Variants in HGS observed in about 807,000 individuals in gnomAD.
The protein encoded by HGS is hepatocyte growth factor-regulated tyrosine kinase substrate.
Under a neutral mutation model 109.7 loss-of-function variants are expected in HGS, and 63 were observed. The observed-to-expected ratio is 0.57, with a 90% CI of 0.47 to 0.71. The LOEUF is 0.71. HGS is among the 30% of genes least tolerant of loss of function. The pLI, the probability that HGS is intolerant of heterozygous loss-of-function variation, is 0.00. For synonymous variants in HGS, 546 were observed against 437.3 expected, an observed-to-expected ratio of 1.25 and a Z score of -3.10; for missense variants, 995 against 1,068.3, an observed-to-expected ratio of 0.93 and a Z score of 0.96.
rs575701206 is a variant in HGS at position 81,696,562 on chromosome 17, G to A, written c.1566+33G>A. 8.6e-5 allele frequency: 134 copies of A among 1,552,120 alleles called. 2 individuals are homozygous for A. The South Asian group carries it at 1.6e-3, about 18-fold the overall frequency. On this transcript the variant is annotated intron_variant, in intron 16 of 21. Transcript: ENST00000329138. ...GGCTGCCCAGCCACAGGCCGGGGCC[G>A]GCTGGGGGACCTCGCAGCATAACCA...
intron 5 of HGS, among the ~76,000 whole-genome samples, chr17:81,689,531 A>G (rs955518590): frequency 2.6e-5 from 4 of 152,108 alleles, no homozygotes; most frequent in African/African-American, 9.7e-5. Context: ...AGAGGTGGGC[A>G]TGGCTGCTCA....
chr17:81,694,017 T>C, intron 11 of HGS, 52 bp downstream of exon 11: 1 of 1,491,254 alleles, frequency 6.7e-7, no homozygotes, highest in Non-Finnish European at 9.1e-7. Context: ...GTAGGGTTGA[T>C]GGGGGACGCG....
In HGS at chr17:81,693,930, G is replaced by T. The variant is rs762337062; in HGVS notation, c.901G>T (p.Ala301Ser). The change falls in exon 11 of 22, where the codon GCG becomes TCG. Residue 301 changes from alanine to serine, a missense_variant. Around this residue, in one of 6 missense-constraint regions of HGS, gnomAD observed 300 missense variants for 235.4 expected, o/e 1.27. Coordinates refer to ENST00000329138, the MANE Select transcript of HGS (RefSeq NM_004712.5). ...GGAGCCCATGCCCTCGGCCTCCTCAGCGCCCCCCGCCAGCAGCCTGTACTC... is the reference window on the plus strand; with the variant it reads ...GGAGCCCATGCCCTCGGCCTCCTCATCGCCCCCCGCCAGCAGCCTGTACTC... ...KAEPMPSASS[A>S]PPASSLYSSP... 8.7e-6 allele frequency: 14 copies of T among 1,611,284 alleles called. No individual in the cohort carries two copies. Among genetic ancestry groups the T allele is most frequent in the Admixed American group, 1.7e-5 (1 of 59,950 alleles).
intron 8 of HGS, chr17:81,692,194 CGTG>C (rs2037074898): frequency 6.5e-6 from 1 of 152,714 alleles, no homozygotes; most frequent in African/African-American, 2.4e-5. Context: ...CCATTTCTGC[CGTG>C]GTCCCAGCAG....
At position 81,701,970 on chromosome 17, in the gene HGS, C is replaced by T. The variant is rs189843306; in HGVS notation, c.*352C>T. On this transcript the variant is annotated 3_prime_UTR_variant, in exon 22 of 22. Coordinates refer to ENST00000329138, the MANE Select transcript of HGS (RefSeq NM_004712.5). The stretch of plus-strand genomic sequence containing the variant: ...CCGCACTGTGAGCTGGCTGTGGTGT[C>T]TGGGTGTGGCCTGGGGCTCCCTCTG... The T allele has an allele frequency of 1.3e-4, 29 of 217,196 alleles. No individual in the cohort carries two copies. In the East Asian group the frequency reaches 3.0e-3, roughly 22 times the overall value. The allele number at this position is 217,196 out of a possible 1,614,324, so 13.5% of individuals were successfully genotyped here.
chr17:81,693,549 T>G lies in HGS; in HGVS notation c.709T>G (p.Tyr237Asp). The G allele has an allele frequency of 6.2e-7, 1 of 1,611,596 alleles. No homozygotes were observed. Among genetic ancestry groups the G allele is most frequent in the Non-Finnish European group, 8.5e-7 (1 of 1,178,948 alleles). Residue 237 changes from tyrosine (Y) to aspartate (D), a missense_variant, in exon 9 of 22, where the codon TAC becomes GAC. Tyr to Asp is a radical substitution (Grantham distance 160). This residue lies in a region of HGS where 300 missense variants were observed against 235.4 expected (regional missense o/e 1.27). Transcript: ENST00000329138. ...ATSTTELPPE[Y>D]LTSPLSQQSQ... ...TTCCACCACTGAGCTGCCCCCCGAG[T>G]ACCTGACCAGCCCCCTGTCTCAGCA...
rs2037051137 is a variant in HGS at position 81,690,758 on chromosome 17, G to C, written c.537+16G>C. The C allele has an allele frequency of 2.5e-6, 4 of 1,609,838 alleles. No individual in the cohort carries two copies. The highest frequency in any genetic ancestry group is 3.4e-6 in the Non-Finnish European group (4 of 1,177,974). ...GACCCGTAAGGTGAGTTCCCACCTGGGGGGCTCTACAGCCCCGGCCAGACA... is the reference window on the plus strand; with the variant it reads ...GACCCGTAAGGTGAGTTCCCACCTGCGGGGCTCTACAGCCCCGGCCAGACA... On this transcript the variant is annotated intron_variant, in intron 7 of 21. Transcript: ENST00000329138.
Position 81,696,720 on chromosome 17 carries a change from G to C in HGS, c.1680G>C (p.Met560Ile). The change falls in exon 17 of 22, where the codon ATG (methionine) becomes ATC (isoleucine). Residue 560 changes from methionine (M) to isoleucine (I), a missense_variant. Around this residue, in one of 6 missense-constraint regions of HGS, gnomAD observed 326 missense variants for 309.7 expected, o/e 1.05. Transcript: ENST00000329138. ...AGACGGTCCAGATGCGCGCGCAGAT[G>C]CCCGCCTTCCCCCTGCCCTACGCCC... ...QKQTVQMRAQ[M>I]PAFPLPYAQL... 6.2e-7 allele frequency: 1 copy of C among 1,608,048 alleles called. No homozygotes were observed. Among genetic ancestry groups the C allele is most frequent in the Non-Finnish European group, 8.5e-7 (1 of 1,176,946 alleles).
intron 18 of HGS, among the ~76,000 whole-genome samples, chr17:81,700,210 CA>C (rs1006521478): frequency 2.8e-5 from 4 of 144,004 alleles, no homozygotes; most frequent in East Asian, 2.1e-4. Context: ...ATTAAAAGTA[CA>C]AAAAAAAATT....
rs1181862166 is a variant in HGS at position 81,691,457 on chromosome 17, G to A, written c.548G>A (p.Arg183Gln). ...CGCCCCATCTTACAGCACCACTGCC[G>A]GGCGTGTGGGCAGATATTCTGTGGA... The part of the protein sequence containing the change: ...FGVMTRKHHC[R>Q]ACGQIFCGKC... Residue 183 changes from arginine (R) to glutamine (Q), a missense_variant, in exon 8 of 22, where the codon CGG becomes CAG. By Grantham distance (43) the Arg-to-Gln change is conservative. Transcript: ENST00000329138. The surrounding 1 kb of genome is among the most constrained non-coding windows in gnomAD (Gnocchi z 5.3). 4 of 1,613,872 alleles carry A rather than the reference G, an allele frequency of 2.5e-6. No homozygotes were observed. The highest frequency in any genetic ancestry group is 3.4e-6 in the Non-Finnish European group (4 of 1,179,986).
In HGS at chr17:81,691,548, G is replaced by A. The variant is rs1336189886; in HGVS notation, c.639G>A (p.Glu213=). The change falls in exon 8 of 22, where the codon GAG becomes GAA. Residue 213 remains glutamate, a synonymous_variant. Coordinates refer to ENST00000329138, the MANE Select transcript of HGS (RefSeq NM_004712.5). This position sits in a 1 kb window ranked among gnomAD's most constrained non-coding sequence, Gnocchi z 5.3. Reference sequence around the variant, plus strand: ...TCGAGAAGGAGGTGCGCGTGTGTGAGCCCTGCTACGAGCAGCTGAACAGGT... The same window carrying A: ...TCGAGAAGGAGGTGCGCGTGTGTGAACCCTGCTACGAGCAGCTGAACAGGT... The part of the protein sequence containing the change: ...FGIEKEVRVC[E]PCYEQLNRKA... 5 of 1,614,016 alleles carry A rather than the reference G, an allele frequency of 3.1e-6. No homozygotes were observed. In the African/African-American group the frequency reaches 4.0e-5, roughly 13 times the overall value.
rs767515818 is a variant in HGS, at chr17:81,693,626, C to A, written c.742-28C>A. On this transcript the variant is annotated intron_variant, in intron 9 of 21. Coordinates refer to ENST00000329138, the MANE Select transcript of HGS (RefSeq NM_004712.5). Reference sequence around the variant, plus strand: ...CCGTGGGCACCTCTTCCCCGGCGCCCCCCCTCACCCTCCCCGCTTGTCCTC... The same window carrying A: ...CCGTGGGCACCTCTTCCCCGGCGCCACCCCTCACCCTCCCCGCTTGTCCTC... The A allele has an allele frequency of 3.9e-6, 6 of 1,546,852 alleles. 1 individual carries two copies. In the South Asian group the frequency reaches 7.1e-5, roughly 18 times the overall value.
In HGS at chr17:81,686,396, A is replaced by AC; in HGVS notation, c.198+14dup. 6.2e-7 allele frequency: 1 copy of AC among 1,611,714 alleles called. No homozygotes were observed. Among genetic ancestry groups the AC allele is most frequent in the Non-Finnish European group, 8.5e-7 (1 of 1,178,514 alleles). ...CCTTGTATGCCCTGGAGGTAAGCAG[A>AC]CCCCCGTGCCTCAGTGGCCCCCAGG... On this transcript the variant is annotated intron_variant, in intron 3 of 21. Coordinates refer to ENST00000329138, the MANE Select transcript of HGS (RefSeq NM_004712.5).
intron 15 of HGS, 54 bp downstream of exon 15, chr17:81,696,053 G>A (rs1422606113): frequency 1.2e-5 from 17 of 1,433,088 alleles, no homozygotes; most frequent in African/African-American, 8.6e-5. Context: ...TGTTGTGAGC[G>A]CCATCCTGGG....
chr17:81,688,051 C>T (rs549545979), intron 4 of HGS, among the ~76,000 whole-genome samples: 6 of 152,302 alleles, frequency 3.9e-5, no homozygotes, highest in South Asian at 4.1e-4. Flanking sequence ...GGGAAGGCGC[C>T]GCTGAGGATG....
intron 18 of HGS, 25 bp from the exon 19 acceptor site, chr17:81,700,442 A>G: frequency 3.9e-6 from 6 of 1,522,168 alleles, no homozygotes; most frequent in Non-Finnish European, 5.3e-6. Context: ...TGGCTGAACC[A>G]TCTCCCCTGT....
intron 5 of HGS, 30 bp from the exon 6 acceptor site, chr17:81,690,152 C>T: frequency 6.2e-7 from 1 of 1,606,720 alleles, no homozygotes; most frequent in Non-Finnish European, 8.5e-7. Flanking sequence ...CAGGTGGGAG[C>T]AGGCAGTGAC....
chr17:81,695,860 C>T lies in HGS; in HGVS notation c.1254C>T (p.Thr418=). ...FLKALQNAVT[T]FVNRMKSNHM... Reference sequence around the variant, plus strand: ...AGGCGCTGCAGAACGCCGTCACCACCTTCGTGAACCGCATGAAGAGTAACC... The same window carrying T: ...AGGCGCTGCAGAACGCCGTCACCACTTTCGTGAACCGCATGAAGAGTAACC... The change falls in exon 15 of 22, where the codon ACC becomes ACT. Residue 418 remains threonine (T), a synonymous_variant. Coordinates refer to ENST00000329138, the MANE Select transcript of HGS (RefSeq NM_004712.5). 2 of 1,613,564 alleles carry T rather than the reference C, an allele frequency of 1.2e-6. No homozygotes were observed. Among genetic ancestry groups the T allele is most frequent in the Admixed American group, 1.7e-5 (1 of 60,022 alleles).
In HGS at chr17:81,701,029, C is replaced by G; in HGVS notation, c.2137-16C>G. Reference sequence around the variant, plus strand: ...CACAGGGCTACTCTCTCACATCTGACGTCTTCTCACAACAGAATCTCATGA... The same window carrying G: ...CACAGGGCTACTCTCTCACATCTGAGGTCTTCTCACAACAGAATCTCATGA... On this transcript the variant is annotated splice_polypyrimidine_tract_variant and intron_variant, in intron 20 of 21. Transcript: ENST00000329138. 1.2e-6 allele frequency: 2 copies of G among 1,608,490 alleles called. No individual in the cohort carries two copies. The highest frequency in any genetic ancestry group is 8.5e-7 in the Non-Finnish European group (1 of 1,175,048).
Sources: allele counts gnomAD v4.1 joint callset (sites outside exome capture counted in the v4.1 genomes callset), GRCh38; gene constraint gnomAD v4.1.1; regional missense constraint gnomAD v4.1.1; non-coding constraint Gnocchi (gnomAD v3.1); transcripts MANE v1.5; gene names NCBI Gene and HGNC (gene_info 2026-07-23, HGNC 2026-07-21).